PJVK: variants seen among roughly 807,000 people sequenced by gnomAD.
PJVK encodes the protein pejvakin, also known as autosomal recessive deafness type 59 protein.
PJVK carries 33 observed loss-of-function variants against 37.6 expected under a neutral mutation model. That is an observed-to-expected ratio of 0.88 (90% confidence interval 0.67 to 1.17). PJVK has a LOEUF of 1.17. Among genes scored for constraint, PJVK ranks in the 50% most tolerant of loss-of-function variants. The pLI, the probability that PJVK is intolerant of heterozygous loss-of-function variation, is 0.00. For synonymous variants in PJVK, 141 were observed against 143.5 expected, an observed-to-expected ratio of 0.98 and a Z score of 0.13; for missense variants, 410 against 413.8, an observed-to-expected ratio of 0.99 and a Z score of 0.08.
chr2:178,461,405 T>C lies in PJVK; in HGVS notation c.*131T>C, dbSNP rs1684503334. On this transcript the variant is annotated 3_prime_UTR_variant, in exon 7 of 7. Transcript: ENST00000644580. ...GCAAAAAGAAATTAACCTGTCTGGG[T>C]ATCATATTCCCTATCTATAAAGTAG... is the stretch of plus-strand genomic sequence containing the variant. The C allele has an allele frequency of 2.1e-6, 2 of 971,642 alleles. No homozygotes were observed. The highest frequency in any genetic ancestry group is 1.6e-5 in the African/African-American group (1 of 61,322). 60.2% of individuals were successfully genotyped at this position (971,642 alleles called of 1,614,324 possible). A position where few individuals can be genotyped will look rare whatever the true frequency, so the allele number is the denominator to read the frequency against.
chr2:178,455,202 T>G, intron 3 of PJVK: 1 of 1,578,960 alleles, frequency 6.3e-7, no homozygotes, highest in Non-Finnish European at 8.7e-7. Context: ...TGGAGCCGCT[T>G]GGTGTCCAGT....
intron 4 of PJVK, among the ~76,000 whole-genome samples, chr2:178,456,563 G>A (rs1684102385): frequency 6.6e-6 from 1 of 152,076 alleles, no homozygotes; most frequent in Admixed American, 6.6e-5. Context: ...GTCAGGAGTT[G>A]GAGATCAAGT....
At chr2:178,455,470 A>G in intron 3 of PJVK, 4 of 1,141,866 alleles carry the variant, frequency 3.5e-6, no homozygotes. Context: ...CTGAGCTGCA[A>G]CCACCCAACT....
At chr2:178,456,401 C>T (rs553235321) in intron 4 of PJVK, among the ~76,000 whole-genome samples, 5 of 151,790 alleles carry the variant, frequency 3.3e-5, no homozygotes, top group African/African-American at 4.8e-5. Flanking sequence ...TACTGGAGTC[C>T]CTCAAGTTAC....
At chr2:178,459,822 A>G (rs1290955372) in intron 5 of PJVK, 1 of 155,020 alleles carries the variant, frequency 6.5e-6, no homozygotes, top group Non-Finnish European at 1.4e-5. Context: ...ATATTTACAC[A>G]TATATGAAAT....
At chr2:178,455,844 G>A (rs1290399653) in intron 3 of PJVK, among the ~76,000 whole-genome samples, 166 bp from the exon 4 acceptor site, 1 of 152,196 alleles carries the variant, frequency 6.6e-6, no homozygotes, top group East Asian at 1.9e-4. Context: ...ATAGAGAGGA[G>A]AGACAAATTA....
At position 178,456,125 on chromosome 2, in the gene PJVK, G is replaced by A. The variant is rs1489020507; in HGVS notation, c.523G>A (p.Ala175Thr). The change falls in exon 4 of 7, where the codon GCT becomes ACT. Residue 175 changes from alanine to threonine, a missense_variant. Transcript: ENST00000644580. ...ACGACAGTGCTCACTGTCTGTGCAT[G>A]CTGGAATTCGAGGGGAAGCAATGCG... ...TTRQCSLSVHAGIRGEAMRFH... is the reference protein window; with the variant it reads ...TTRQCSLSVHTGIRGEAMRFH... The A allele has an allele frequency of 6.2e-7, 1 of 1,614,118 alleles. No homozygotes were observed. The highest frequency in any genetic ancestry group is 1.6e-4 in the Middle Eastern group (1 of 6,062).
At chr2:178,460,534 T>C in intron 6 of PJVK, 88 bp downstream of exon 6, 1 of 1,258,236 alleles carries the variant, frequency 7.9e-7, no homozygotes, top group Non-Finnish European at 1.1e-6. Context: ...ATCTCATCTG[T>C]TAAGGAAAAA....
At chr2:178,454,984 C>G in intron 3 of PJVK, 1 of 979,384 alleles carries the variant, frequency 1.0e-6, no homozygotes, top group Non-Finnish European at 1.7e-6. Context: ...CTGGACCTGG[C>G]GGTCCCTTTC....
At chr2:178,460,303 A>T (rs748335081) in intron 5 of PJVK, 45 bp from the exon 6 acceptor site, 2 of 1,458,362 alleles carry the variant, frequency 1.4e-6, no homozygotes, top group Non-Finnish European at 1.9e-6. Context: ...ACAATAAAAT[A>T]TGAATTATTC....
chr2:178,456,079 C>G lies in PJVK; in HGVS notation c.477C>G (p.Val159=). Reference sequence around the variant, plus strand: ...GCAGAAAGGCAGTATTGTGTGTGGTCATGGAGAGCATCCGAACCACACGAC... The same window carrying G: ...GCAGAAAGGCAGTATTGTGTGTGGTGATGGAGAGCATCCGAACCACACGAC... ...RSSRKAVLCV[V]MESIRTTRQC... Residue 159 remains valine (V), a synonymous_variant, in exon 4 of 7, where the codon GTC becomes GTG. Transcript: ENST00000644580. The G allele has an allele frequency of 6.2e-7, 1 of 1,614,140 alleles. No homozygotes were observed. The highest frequency in any genetic ancestry group is 1.7e-4 in the Middle Eastern group (1 of 6,060).
chr2:178,458,443 C>T, intron 4 of PJVK, 67 bp from the exon 5 acceptor site: 2 of 1,295,576 alleles, frequency 1.5e-6, no homozygotes, highest in Non-Finnish European at 2.2e-6. Flanking sequence ...GGAAATGTTT[C>T]ATTTCTCCAA....
chr2:178,452,500 G>A (rs2154125799), intron 1 of PJVK: 1 of 985,196 alleles, frequency 1.0e-6, no homozygotes, highest in Non-Finnish European at 1.2e-6. Flanking sequence ...TATTGGAAGG[G>A]CTACATAGTC....
rs1380233547 is a variant in PJVK, at chr2:178,461,258, A to G, written c.1043A>G (p.His348Arg). ...GCAGTTCCTTGTTTTGATATTTGGCACAAGAGGATGAAATAAAATGAAAAA... is the reference window on the plus strand; with the variant it reads ...GCAGTTCCTTGTTTTGATATTTGGCGCAAGAGGATGAAATAAAATGAAAAA... The part of the protein sequence containing the change: ...LHAVPCFDIW[H>R]KRMK Residue 348 changes from histidine to arginine, a missense_variant, in exon 7 of 7, where the codon CAC becomes CGC. By Grantham distance (29) the His-to-Arg change is conservative. Transcript: ENST00000644580. The G allele has an allele frequency of 8.1e-6, 13 of 1,614,022 alleles. No individual in the cohort carries two copies. Among genetic ancestry groups the G allele is most frequent in the Admixed American group, 1.7e-5 (1 of 59,998 alleles).
intron 1 of PJVK, 132 bp downstream of exon 1, chr2:178,451,901 A>G (rs1697692015): frequency 1.0e-6 from 1 of 959,242 alleles, no homozygotes; most frequent in Non-Finnish European, 1.2e-6. Context: ...TCGCTTCTCC[A>G]GGGGCTTGCT....
In PJVK at chr2:178,451,658, G is replaced by C; in HGVS notation, c.-134G>C. ...TCCAGGGGGCTGCGGTGCGCTCTTCGGGTCCCCGAGCCCTGTGTTTAGGAA... is the reference window on the plus strand; with the variant it reads ...TCCAGGGGGCTGCGGTGCGCTCTTCCGGTCCCCGAGCCCTGTGTTTAGGAA... On this transcript the variant is annotated 5_prime_UTR_variant, in exon 1 of 7. Coordinates refer to ENST00000644580, the MANE Select transcript of PJVK (RefSeq NM_001042702.5). The C allele has an allele frequency of 2.4e-6, 1 of 421,574 alleles. No homozygotes were observed. The highest frequency in any genetic ancestry group is 3.2e-6 in the Non-Finnish European group (1 of 314,650). 26.1% of individuals were successfully genotyped at this position (421,574 alleles called of 1,614,324 possible). A position where few individuals can be genotyped will look rare whatever the true frequency, so the allele number is the denominator to read the frequency against.
chr2:178,454,189 T>TA, intron 2 of PJVK, 143 bp from the exon 3 acceptor site: 1 of 642,370 alleles, frequency 1.6e-6, no homozygotes, highest in East Asian at 3.0e-5. Context: ...TTAATTGAAT[T>TA]ACTACTTTAA....
At chr2:178,454,122 T>C (rs1300910423) in intron 2 of PJVK, 14 of 465,346 alleles carry the variant, frequency 3.0e-5, no homozygotes, top group Non-Finnish European at 5.1e-5. Context: ...GTTGGCTGAA[T>C]AGAAAATTTG....
chr2:178,458,739 G>A (rs1684288848), intron 5 of PJVK, 112 bp downstream of exon 5: 1 of 950,198 alleles, frequency 1.1e-6, no homozygotes, highest in Admixed American at 1.7e-5. Flanking sequence ...AACAATTATA[G>A]AAGATGCTCT....
Sources: gnomAD v4.1 joint callset for allele counts (sites outside exome capture counted in the v4.1 genomes callset) on GRCh38, gnomAD v4.1.1 for gene constraint, MANE v1.5 for transcripts, NCBI Gene and HGNC (gene_info 2026-07-23, HGNC 2026-07-21) for gene names.